Variants in CRACD observed in about 807,000 individuals in gnomAD.
CRACD encodes the protein capping protein inhibiting regulator of actin dynamics.
Under a neutral mutation model 106.8 loss-of-function variants are expected in CRACD, and 56 were observed. The ratio of observed to expected loss-of-function variants is 0.52; its 90% CI spans 0.42 to 0.66. CRACD has a LOEUF of 0.66. Ranked by LOEUF, CRACD falls within the 30% of genes least tolerant of loss-of-function variation. CRACD has a pLI of 0.00. For missense variants in CRACD, 1,730 were observed against 1,623.2 expected, an observed-to-expected ratio of 1.07 and a Z score of -1.13; for synonymous variants, 754 against 670.8, an observed-to-expected ratio of 1.12 and a Z score of -1.92.
At chr4:56,219,331 TTAGGTTTTGTTC>T in intron 2 of CRACD, among the ~76,000 whole-genome samples, 1 of 152,190 alleles carries the variant, frequency 6.6e-6, no homozygotes, top group East Asian at 1.9e-4. Context: ...GAAATGAATA[TTAGGTTTTGTTC>T]GTTTGTTTGT....
chr4:56,094,150 T>C (rs1733517050), intron 1 of CRACD, among the ~76,000 whole-genome samples: 1 of 152,224 alleles, frequency 6.6e-6, no homozygotes, highest in Non-Finnish European at 1.5e-5. Context: ...AAAATTGTAG[T>C]TGAAAGGAAA....
rs142658919 is a variant in CRACD at position 56,201,334 on chromosome 4, C to A, written c.-189+21904C>A. Among the ~76,000 whole-genome samples the A allele has an allele frequency of 1.5e-4, 23 of 152,294 alleles. No homozygotes were observed. In the East Asian group the frequency reaches 4.4e-3, roughly 29 times the overall value. On this transcript the variant is annotated intron_variant, in intron 2 of 10. Transcript: ENST00000682029. ...TCCAGAGCACTGTTAAAGCTTTAGA[C>A]TTTTGGTCATTAGTAGTTGATAGAT...
At chr4:56,089,446 A>G (rs896771918) in intron 1 of CRACD, among the ~76,000 whole-genome samples, 3 of 151,784 alleles carry the variant, frequency 2.0e-5, no homozygotes, top group Admixed American at 6.6e-5. Context: ...TCCTGTGGGG[A>G]ACCTAGCTAG....
intron 1 of CRACD, among the ~76,000 whole-genome samples, chr4:56,099,184 C>T (rs1402332648): frequency 6.6e-6 from 1 of 152,132 alleles, no homozygotes; most frequent in Non-Finnish European, 1.5e-5. Context: ...AGTATTGTAG[C>T]TACCTTCAGA....
intron 1 of CRACD, among the ~76,000 whole-genome samples, chr4:56,071,573 C>T (rs1204304113): frequency 1.3e-5 from 2 of 150,592 alleles, no homozygotes; most frequent in African/African-American, 4.9e-5. Flanking sequence ...GTGGTGCGAT[C>T]TCAGCAGCTC....
chr4:56,068,590 C>G (rs945757913), intron 1 of CRACD, among the ~76,000 whole-genome samples: 3 of 152,096 alleles, frequency 2.0e-5, no homozygotes, highest in Admixed American at 6.5e-5. Flanking sequence ...AGGATACTGG[C>G]AGCTTGGATC....
intron 10 of CRACD, among the ~76,000 whole-genome samples, chr4:56,325,396 C>T (rs997075152): frequency 2.6e-5 from 4 of 152,182 alleles, no homozygotes; most frequent in African/African-American, 9.7e-5. Context: ...AGGAGCTCCG[C>T]ACCCGGGTTG....
At position 56,315,769 on chromosome 4, in the gene CRACD, A is replaced by G; in HGVS notation, c.2267A>G (p.Glu756Gly). The G allele has an allele frequency of 6.2e-7, 1 of 1,614,242 alleles. No homozygotes were observed. The highest frequency in any genetic ancestry group is 1.1e-5 in the South Asian group (1 of 91,086). Residue 756 changes from glutamate (E) to glycine (G), a missense_variant, in exon 8 of 11, where the codon GAG becomes GGG. Physicochemically the swap from Glu to Gly is moderately conservative, Grantham distance 98. This residue lies in a region of CRACD where 1,620 missense variants were observed against 1,481.6 expected (regional missense o/e 1.09). Coordinates refer to ENST00000682029, the MANE Select transcript of CRACD (RefSeq NM_001393381.1). The surrounding 1 kb of genome is among the most constrained non-coding windows in gnomAD (Gnocchi z 4.1). ...RKRPMLGPSE[E>G]TAPQPPPAGV... ...AGACCCATGCTGGGACCCAGCGAAG[A>G]GACAGCCCCCCAGCCTCCTCCTGCT...
chr4:56,315,240 C>T lies in CRACD; in HGVS notation c.1738C>T (p.Pro580Ser). Residue 580 changes from proline (P) to serine (S), a missense_variant, in exon 8 of 11, where the codon CCA (proline) becomes TCA (serine). By Grantham distance (74) the Pro-to-Ser change is moderately conservative (BLOSUM62 -1). Coordinates refer to ENST00000682029, the MANE Select transcript of CRACD (RefSeq NM_001393381.1). This position sits in a 1 kb window ranked among gnomAD's most constrained non-coding sequence, Gnocchi z 4.1. ...GGAACCAAAGGCCCCCAAAGCCAGCCCAGTCCAGCACGCCCTACCGTCGTC... is the reference window on the plus strand; with the variant it reads ...GGAACCAAAGGCCCCCAAAGCCAGCTCAGTCCAGCACGCCCTACCGTCGTC... ...PQEPKAPKAS[P>S]VQHALPSSLS... The T allele has an allele frequency of 6.2e-7, 1 of 1,601,450 alleles. No individual in the cohort carries two copies. The highest frequency in any genetic ancestry group is 8.5e-7 in the Non-Finnish European group (1 of 1,174,176).
At chr4:56,325,548 C>T (rs1312313947) in intron 10 of CRACD, among the ~76,000 whole-genome samples, 1 of 152,214 alleles carries the variant, frequency 6.6e-6, no homozygotes, top group Non-Finnish European at 1.5e-5. Context: ...TTTCTCAGCA[C>T]AGTGTCTTTG....
rs553495044 is a variant in CRACD at position 56,087,459 on chromosome 4, G to A, written c.-336+38160G>A. Among the ~76,000 whole-genome samples the A allele has an allele frequency of 2.6e-5, 4 of 152,150 alleles. No individual in the cohort carries two copies. The South Asian group carries it at 8.3e-4, about 32-fold the overall frequency. On this transcript the variant is annotated intron_variant, in intron 1 of 10. Coordinates refer to ENST00000682029, the MANE Select transcript of CRACD (RefSeq NM_001393381.1). ...CCCACATTTCTTGGATCTTCCTCTCGCTTCTGTCTGCTCCTTCTTGCGGAG... is the reference window on the plus strand; with the variant it reads ...CCCACATTTCTTGGATCTTCCTCTCACTTCTGTCTGCTCCTTCTTGCGGAG...
At chr4:56,071,910 G>T (rs1017917825) in intron 1 of CRACD, among the ~76,000 whole-genome samples, 4 of 151,834 alleles carry the variant, frequency 2.6e-5, no homozygotes, top group African/African-American at 7.2e-5. Context: ...GGCGGATCAT[G>T]AGGTCAGGAG....
chr4:56,236,271 C>T (rs1739964434), intron 2 of CRACD, among the ~76,000 whole-genome samples: 1 of 152,082 alleles, frequency 6.6e-6, no homozygotes, highest in Admixed American at 6.6e-5. Context: ...CACCAAAAAT[C>T]GTCAGCCACC....
intron 6 of CRACD, chr4:56,311,007 A>G (rs1745124182): frequency 4.7e-6 from 2 of 424,372 alleles, no homozygotes; most frequent in South Asian, 2.7e-5. Context: ...GCTTTCCTCA[A>G]AGGATCATGT....
chr4:56,260,394 G>A (rs1448412930), intron 2 of CRACD, among the ~76,000 whole-genome samples: 2 of 152,202 alleles, frequency 1.3e-5, no homozygotes, highest in East Asian at 3.9e-4. Flanking sequence ...GTTAGTGAAA[G>A]GATGACTTTC....
At chr4:56,077,567 G>A (rs1188258746) in intron 1 of CRACD, among the ~76,000 whole-genome samples, 1 of 152,206 alleles carries the variant, frequency 6.6e-6, no homozygotes. Context: ...AGACCGTTAT[G>A]CAAACAAATT....
At chr4:56,154,370 G>C (rs774465383) in intron 1 of CRACD, among the ~76,000 whole-genome samples, 1 of 152,090 alleles carries the variant, frequency 6.6e-6, no homozygotes, top group Non-Finnish European at 1.5e-5. Context: ...GGAGGCTAAC[G>C]CAGGAGTATA....
chr4:56,306,831 C>T (rs1744745680), intron 4 of CRACD, among the ~76,000 whole-genome samples: 1 of 152,330 alleles, frequency 6.6e-6, no homozygotes, highest in Middle Eastern at 3.4e-3. Flanking sequence ...TTTGGTTCCT[C>T]TGTCTCCTTT....
intron 1 of CRACD, among the ~76,000 whole-genome samples, chr4:56,175,601 C>T (rs946085275): frequency 2.0e-5 from 3 of 152,172 alleles, no homozygotes; most frequent in Non-Finnish European, 4.4e-5. Flanking sequence ...GGTACACACA[C>T]AGGGTATCCT....
Sources: gnomAD v4.1 joint callset for allele counts (sites outside exome capture counted in the v4.1 genomes callset) on GRCh38, gnomAD v4.1.1 for gene constraint, gnomAD v4.1.1 regional missense constraint, Gnocchi (gnomAD v3.1) non-coding constraint, MANE v1.5 for transcripts, NCBI Gene and HGNC (gene_info 2026-07-23, HGNC 2026-07-21) for gene names.